The following ANKDD1B variants were observed in gnomAD, a reference collection of about 807,000 sequenced individuals.
ANKDD1B encodes ankyrin repeat and death domain-containing protein 1B.
Under a neutral mutation model 59.7 loss-of-function variants are expected in ANKDD1B, and 57 were observed. The ratio of observed to expected loss-of-function variants is 0.95; its 90% CI spans 0.77 to 1.19. ANKDD1B has a LOEUF of 1.19. ANKDD1B is among the 50% of genes most tolerant of loss of function. The pLI is 0.00. For synonymous variants in ANKDD1B, 216 were observed against 239.5 expected (o/e 0.90, Z 0.91); for missense variants, 602 against 641.9 (o/e 0.94, Z 0.67).
At chr5:75,657,635 G>A (rs184046127) in intron 9 of ANKDD1B, among the ~76,000 whole-genome samples, 8 of 152,124 alleles carry the variant, frequency 5.3e-5, no homozygotes, top group African/African-American at 1.9e-4. Flanking sequence ...GGGGCCGGGC[G>A]TGGTGGCTCA....
chr5:75,635,177 T>A (rs1774266353), intron 6 of ANKDD1B, 181 bp downstream of exon 6: 2 of 485,112 alleles, frequency 4.1e-6, no homozygotes, highest in Non-Finnish European at 7.4e-6. Context: ...ACTGTTGCTC[T>A]GGGTTGTCCA....
intron 7 of ANKDD1B, among the ~76,000 whole-genome samples, chr5:75,642,384 G>A (rs1250821015): frequency 5.3e-5 from 8 of 150,414 alleles, no homozygotes; most frequent in Non-Finnish European, 8.9e-5. Flanking sequence ...AGGCCAGTGT[G>A]TGCGCGCACC....
chr5:75,666,029 T>C (rs1775297380), intron 11 of ANKDD1B, among the ~76,000 whole-genome samples: 1 of 152,182 alleles, frequency 6.6e-6, no homozygotes, highest in African/African-American at 2.4e-5. Flanking sequence ...CCTGGAGGCC[T>C]AGTGGCATAA....
chr5:75,654,798 G>A (rs1437473295), intron 8 of ANKDD1B, among the ~76,000 whole-genome samples: 1 of 152,140 alleles, frequency 6.6e-6, no homozygotes, highest in Non-Finnish European at 1.5e-5. Context: ...CTTGAGCGAC[G>A]CTGCCCTTGT....
rs772648458 is a variant in ANKDD1B at position 75,669,392 on chromosome 5, C to A, written c.1525+9C>A. ...TTTCCCAAAACTAGCTGGTAAGTGACAGTTTCAACAACAGAAATTCTTTCT... is the reference window on the plus strand; with the variant it reads ...TTTCCCAAAACTAGCTGGTAAGTGAAAGTTTCAACAACAGAAATTCTTTCT... On this transcript the variant is annotated intron_variant, in intron 13 of 13. Transcript: ENST00000601380. 68 of 1,231,922 alleles carry A rather than the reference C, an allele frequency of 5.5e-5. No individual in the cohort carries two copies. Among genetic ancestry groups the A allele is most frequent in the Admixed American group, 1.3e-4 (3 of 23,692 alleles). 76.3% of individuals were successfully genotyped at this position (1,231,922 alleles called of 1,614,324 possible). A position where few individuals can be genotyped will look rare whatever the true frequency, so the allele number is the denominator to read the frequency against.
intron 7 of ANKDD1B, among the ~76,000 whole-genome samples, chr5:75,636,163 C>T (rs1470698336): frequency 1.3e-5 from 2 of 152,086 alleles, no homozygotes; most frequent in Non-Finnish European, 2.9e-5. Context: ...GCAAGAAAGG[C>T]ATGCAAAACA....
intron 3 of ANKDD1B, among the ~76,000 whole-genome samples, chr5:75,622,729 A>G (rs1773884834): frequency 6.6e-6 from 1 of 152,226 alleles, no homozygotes; most frequent in Admixed American, 6.5e-5. Flanking sequence ...AGCAATGTAC[A>G]CTTTACAGAG....
intron 5 of ANKDD1B, among the ~76,000 whole-genome samples, chr5:75,628,622 A>C (rs77966310): frequency 0.019 from 2,947 of 152,300 alleles, 40 homozygotes; most frequent in Non-Finnish European, 0.028. Context: ...GGTTTGGTAA[A>C]ATCCATCTCT....
At chr5:75,614,676 A>G (rs1211970765) in intron 1 of ANKDD1B, among the ~76,000 whole-genome samples, 2 of 152,194 alleles carry the variant, frequency 1.3e-5, no homozygotes, top group African/African-American at 4.8e-5. Context: ...ACATGCCATC[A>G]CTTGTGCTTT....
At chr5:75,661,681 GGTC>G (rs1170386077) in intron 10 of ANKDD1B, among the ~76,000 whole-genome samples, 1 of 151,926 alleles carries the variant, frequency 6.6e-6, no homozygotes, top group Non-Finnish European at 1.5e-5. Flanking sequence ...TTTATGTTGG[GGTC>G]CCTGCTGCTT....
chr5:75,615,098 A>C (rs1480301610), intron 1 of ANKDD1B, among the ~76,000 whole-genome samples: 1 of 152,230 alleles, frequency 6.6e-6, no homozygotes, highest in African/African-American at 2.4e-5. Flanking sequence ...AAGTAAGGAC[A>C]TAGAGATGAA....
intron 7 of ANKDD1B, among the ~76,000 whole-genome samples, chr5:75,652,713 G>A (rs11953883): frequency 0.13 from 20,287 of 152,230 alleles, 3,549 homozygotes; most frequent in African/African-American, 0.4. Context: ...TGCTAGAATT[G>A]CAGGCATGAG....
chr5:75,624,268 G>C (rs1198390430), intron 3 of ANKDD1B, among the ~76,000 whole-genome samples: 5 of 152,218 alleles, frequency 3.3e-5, no homozygotes, highest in African/African-American at 1.2e-4. Flanking sequence ...GAAAGTGATA[G>C]AAAGTGACCA....
At chr5:75,641,747 G>C (rs1774470232) in intron 7 of ANKDD1B, among the ~76,000 whole-genome samples, 1 of 152,188 alleles carries the variant, frequency 6.6e-6, no homozygotes, top group Non-Finnish European at 1.5e-5. Flanking sequence ...TGGCATGTTT[G>C]ATACCCTGTA....
chr5:75,631,022 G>A (rs566800679), intron 5 of ANKDD1B, among the ~76,000 whole-genome samples: 9 of 152,236 alleles, frequency 5.9e-5, no homozygotes, highest in African/African-American at 1.4e-4. Flanking sequence ...TCACTGTGAC[G>A]ACAGGGTTAT....
At chr5:75,614,269 G>A (rs188983020) in intron 1 of ANKDD1B, among the ~76,000 whole-genome samples, 1 of 152,206 alleles carries the variant, frequency 6.6e-6, no homozygotes, top group African/African-American at 2.4e-5. Flanking sequence ...AATGACACCT[G>A]CACACACAGT....
intron 5 of ANKDD1B, chr5:75,634,606 C>G (rs966951600): frequency 7.8e-6 from 2 of 256,822 alleles, no homozygotes; most frequent in African/African-American, 4.3e-5. Context: ...AAAAGGGAAT[C>G]TTGTCATCTG....
chr5:75,617,580 G>C (rs907024615), intron 2 of ANKDD1B, among the ~76,000 whole-genome samples: 11 of 152,124 alleles, frequency 7.2e-5, no homozygotes, highest in Admixed American at 5.9e-4. Flanking sequence ...AATTGCTTAG[G>C]ACAATTTGTG....
chr5:75,655,036 C>T (rs1000535426), intron 8 of ANKDD1B, among the ~76,000 whole-genome samples: 5 of 152,164 alleles, frequency 3.3e-5, no homozygotes, highest in Non-Finnish European at 5.9e-5. Context: ...TTGTTTCTTC[C>T]CTCCCTTTTC....
Sources: allele counts gnomAD v4.1 joint callset (sites outside exome capture counted in the v4.1 genomes callset), GRCh38; gene constraint gnomAD v4.1.1; transcripts MANE v1.5; gene names NCBI Gene and HGNC (gene_info 2026-07-23, HGNC 2026-07-21).